PTPRT: variants seen among roughly 807,000 people sequenced by gnomAD.
PTPRT encodes the protein protein tyrosine phosphatase receptor type T, also known as receptor-type tyrosine-protein phosphatase T.
PTPRT carries 56 observed loss-of-function variants against 176.8 expected under a neutral mutation model. The ratio of observed to expected loss-of-function variants is 0.32; its 90% CI spans 0.26 to 0.40. The LOEUF is 0.40. Ranked by LOEUF, PTPRT falls within the 10% of genes least tolerant of loss-of-function variation. The pLI is 1.00. For missense variants in PTPRT, 1,540 were observed against 1,908.2 expected, an observed-to-expected ratio of 0.81 and a Z score of 3.60; for synonymous variants, 783 against 739.0, an observed-to-expected ratio of 1.06 and a Z score of -0.96.
At chr20:42,714,872 T>G (rs1448055682) in intron 6 of PTPRT, among the ~76,000 whole-genome samples, 2 of 152,098 alleles carry the variant, frequency 1.3e-5, no homozygotes, top group Non-Finnish European at 2.9e-5. Flanking sequence ...CTGTTAGAAT[T>G]TGGATATTGG....
chr20:42,911,976 CTT>C lies in PTPRT; in HGVS notation c.89-26046_89-26045del, dbSNP rs11475084. Among the ~76,000 whole-genome samples, 360 of 124,292 alleles carry C rather than the reference CTT, an allele frequency of 2.9e-3. 1 individual carries two copies. The highest frequency in any genetic ancestry group is 9.6e-3 in the African/African-American group (322 of 33,556). 81.5% of individuals were successfully genotyped at this position (124,292 alleles called of 152,430 possible). A position where few individuals can be genotyped will look rare whatever the true frequency, so the allele number is the denominator to read the frequency against. ...AATTTACTAACCCAAATCCTCTTTT[CTT>C]TTTTTTTTTTTTTTTTGCTTTCAAA... On this transcript the variant is annotated intron_variant, in intron 1 of 30. Coordinates refer to ENST00000373187, the MANE Select transcript of PTPRT (RefSeq NM_007050.6).
At chr20:42,346,911 A>T (rs537345857) in intron 11 of PTPRT, among the ~76,000 whole-genome samples, 3 of 152,312 alleles carry the variant, frequency 2.0e-5, no homozygotes, top group African/African-American at 7.2e-5. Context: ...AGGACCCCTG[A>T]GAATTCCTCT....
At chr20:42,613,644 C>T (rs1296831199) in intron 7 of PTPRT, among the ~76,000 whole-genome samples, 1 of 152,142 alleles carries the variant, frequency 6.6e-6, no homozygotes. Context: ...GCTAAGATTA[C>T]CCTTTACAGG....
At chr20:43,180,380 C>T (rs1180370207) in intron 1 of PTPRT, among the ~76,000 whole-genome samples, 4 of 43,942 alleles carry the variant, frequency 9.1e-5, no homozygotes, top group African/African-American at 2.7e-4. Flanking sequence ...TCTGCCCCCA[C>T]CTCCCTCCCT....
At chr20:42,404,972 T>TTATATATATATATATA (rs200602736) in intron 9 of PTPRT, among the ~76,000 whole-genome samples, 979 of 77,822 alleles carry the variant, frequency 0.013, 22 homozygotes, top group Middle Eastern at 0.038. Flanking sequence ...GGCCAATTAA[T>TTATATATATATATATA]TATATATATA....
intron 1 of PTPRT, among the ~76,000 whole-genome samples, chr20:43,091,558 C>A (rs1010059424): frequency 1.3e-5 from 2 of 151,644 alleles, no homozygotes; most frequent in Admixed American, 6.6e-5. Context: ...TACACACAAA[C>A]ACACACACAT....
chr20:42,921,652 T>C (rs1346111514), intron 1 of PTPRT, among the ~76,000 whole-genome samples: 1 of 152,244 alleles, frequency 6.6e-6, no homozygotes, highest in African/African-American at 2.4e-5. Context: ...ACATGTTCAC[T>C]ATCTCTTTGC....
At chr20:42,158,801 T>C (rs1011240988) in intron 17 of PTPRT, among the ~76,000 whole-genome samples, 1 of 152,234 alleles carries the variant, frequency 6.6e-6, no homozygotes, top group African/African-American at 2.4e-5. Context: ...TAATTTGGAC[T>C]AATTGAGGCC....
At chr20:42,455,585 A>C (rs1334085372) in intron 8 of PTPRT, among the ~76,000 whole-genome samples, 1 of 152,182 alleles carries the variant, frequency 6.6e-6, no homozygotes, top group African/African-American at 2.4e-5. Flanking sequence ...TTACTCTTTT[A>C]ATAAAATGTC....
At chr20:42,037,165 A>G in the PTPRT span, among the ~76,000 whole-genome samples, 1 of 152,202 alleles carries the variant, frequency 6.6e-6, no homozygotes, top group Non-Finnish European at 1.5e-5. Flanking sequence ...TAAACTGTGC[A>G]AAGTGGGTCA....
intron 7 of PTPRT, among the ~76,000 whole-genome samples, chr20:42,492,115 T>A (rs1313719819): frequency 6.6e-6 from 1 of 152,166 alleles, no homozygotes; most frequent in Non-Finnish European, 1.5e-5. Flanking sequence ...TAGTTTCCAG[T>A]TTGGGGTGAT....
chr20:42,916,153 C>A (rs1350056436), intron 1 of PTPRT, among the ~76,000 whole-genome samples: 8 of 136,864 alleles, frequency 5.8e-5, no homozygotes, highest in African/African-American at 2.2e-4. Flanking sequence ...TGTGATGTTC[C>A]CCTTCCTGTG....
chr20:43,044,746 A>G (rs1400866983), intron 1 of PTPRT, among the ~76,000 whole-genome samples: 1 of 152,206 alleles, frequency 6.6e-6, no homozygotes, highest in African/African-American at 2.4e-5. Flanking sequence ...TTCTCATCCT[A>G]AGTAGTAGAC....
At chr20:42,362,572 C>T (rs756651379) in intron 9 of PTPRT, among the ~76,000 whole-genome samples, 29 of 152,058 alleles carry the variant, frequency 1.9e-4, no homozygotes, top group African/African-American at 6.8e-4. Flanking sequence ...AAGTGAAACA[C>T]GGATAGGATC....
chr20:43,083,369 T>TATAC (rs1568774368), intron 1 of PTPRT, among the ~76,000 whole-genome samples: 1 of 110,242 alleles, frequency 9.1e-6, no homozygotes, highest in African/African-American at 4.0e-5. Flanking sequence ...TATATATATA[T>TATAC]ACATTTTTTG....
chr20:42,894,119 T>C (rs535280548), intron 1 of PTPRT, among the ~76,000 whole-genome samples: 1 of 150,082 alleles, frequency 6.7e-6, no homozygotes, highest in East Asian at 2.0e-4. Flanking sequence ...AGAAGGGAAG[T>C]CCAAGGTTGA....
chr20:42,309,284 T>C (rs998447751), intron 12 of PTPRT, among the ~76,000 whole-genome samples: 4 of 152,166 alleles, frequency 2.6e-5, no homozygotes, highest in Non-Finnish European at 5.9e-5. Flanking sequence ...GTGGTGAGGA[T>C]GCAGAGAACA....
chr20:42,367,978 G>C (rs1231584572), intron 9 of PTPRT, among the ~76,000 whole-genome samples: 1 of 152,190 alleles, frequency 6.6e-6, no homozygotes, highest in Admixed American at 6.5e-5. Context: ...ATAGATGCAG[G>C]ATGCAGGGAC....
chr20:42,214,736 A>G (rs1224976681), intron 15 of PTPRT, among the ~76,000 whole-genome samples: 1 of 152,152 alleles, frequency 6.6e-6, no homozygotes, highest in Admixed American at 6.5e-5. Flanking sequence ...CATTCTCTGC[A>G]CCCAGCAGTG....
Sources: allele counts gnomAD v4.1 joint callset (sites outside exome capture counted in the v4.1 genomes callset), GRCh38; gene constraint gnomAD v4.1.1; transcripts MANE v1.5; gene names NCBI Gene and HGNC (gene_info 2026-07-23, HGNC 2026-07-21).